Variants in MGAT4C observed in about 807,000 individuals in gnomAD.
MGAT4C encodes alpha-1,3-mannosyl-glycoprotein 4-beta-N-acetylglucosaminyltransferase C.
A neutral mutation model predicts 40.1 loss-of-function variants in MGAT4C; 19 were observed. The observed-to-expected ratio is 0.47, with a 90% CI of 0.33 to 0.70. MGAT4C has a LOEUF of 0.70. MGAT4C is among the 30% of genes least tolerant of loss of function. The pLI is 0.02. For synonymous variants in MGAT4C, 181 were observed against 187.1 expected (o/e 0.97, Z 0.27); for missense variants, 491 against 563.2 (o/e 0.87, Z 1.30).
intron 2 of MGAT4C, among the ~76,000 whole-genome samples, chr12:86,565,120 T>G (rs1728393999): frequency 6.6e-6 from 1 of 152,164 alleles, no homozygotes; most frequent in Non-Finnish European, 1.5e-5. Context: ...AAAGTCACCA[T>G]GTGACCTGAA....
At chr12:86,694,198 T>C (rs1430223743) in intron 2 of MGAT4C, among the ~76,000 whole-genome samples, 1 of 152,150 alleles carries the variant, frequency 6.6e-6, no homozygotes, top group Non-Finnish European at 1.5e-5. Flanking sequence ...CAGATCTTCT[T>C]TTCTCTGCCC....
chr12:86,431,337 A>C (rs1957035502), intron 3 of MGAT4C, among the ~76,000 whole-genome samples: 1 of 152,116 alleles, frequency 6.6e-6, no homozygotes, highest in African/African-American at 2.4e-5. Flanking sequence ...TTTTGCCTAG[A>C]GTTCCCTGTG....
chr12:86,132,705 T>G lies in MGAT4C; in HGVS notation c.-56-82982A>C, dbSNP rs1288985198. ...TACTCGGGAGGCTGAGGCAGGAGAA[T>G]GGCGTGAACCCTGGAGGCGGAGCTT... On this transcript the variant is annotated intron_variant, in intron 1 of 4. Transcript: ENST00000611864. Among the ~76,000 whole-genome samples, 2 of 138,976 alleles carry G rather than the reference T, an allele frequency of 1.4e-5. 1 individual carries two copies. Among genetic ancestry groups the G allele is most frequent in the Non-Finnish European group, 3.0e-5 (2 of 66,738 alleles). 91.2% of individuals were successfully genotyped at this position (138,976 alleles called of 152,430 possible). A position where few individuals can be genotyped will look rare whatever the true frequency, so the allele number is the denominator to read the frequency against.
chr12:86,789,617 TAA>T (rs1951990244), intron 1 of MGAT4C, among the ~76,000 whole-genome samples: 1 of 152,078 alleles, frequency 6.6e-6, no homozygotes, highest in Non-Finnish European at 1.5e-5. Flanking sequence ...GTGAACATGG[TAA>T]AGTCTTGGCT....
intron 2 of MGAT4C, among the ~76,000 whole-genome samples, chr12:86,677,317 A>G (rs1565919465): frequency 6.6e-6 from 1 of 152,080 alleles, no homozygotes; most frequent in Non-Finnish European, 1.5e-5. Flanking sequence ...TGGCTATTAG[A>G]CTGCAAATTC....
At chr12:86,728,580 G>T (rs1052210081) in intron 1 of MGAT4C, among the ~76,000 whole-genome samples, 2 of 152,062 alleles carry the variant, frequency 1.3e-5, no homozygotes, top group African/African-American at 4.8e-5. Flanking sequence ...AGTCCCAGCT[G>T]CTCGGGAAAC....
At chr12:86,609,282 T>C (rs1292464173) in intron 2 of MGAT4C, among the ~76,000 whole-genome samples, 3 of 152,068 alleles carry the variant, frequency 2.0e-5, no homozygotes, top group Non-Finnish European at 4.4e-5. Context: ...TTTGCAAAGT[T>C]AAACGTGAAG....
intron 2 of MGAT4C, among the ~76,000 whole-genome samples, chr12:86,585,102 A>C (rs1435416037): frequency 6.6e-6 from 1 of 151,372 alleles, no homozygotes; most frequent in African/African-American, 2.4e-5. Context: ...TAAAAACTAA[A>C]ATTTTAATTT....
chr12:86,799,927 T>A (rs1169902446), intron 1 of MGAT4C, among the ~76,000 whole-genome samples: 1 of 151,928 alleles, frequency 6.6e-6, no homozygotes, highest in African/African-American at 2.4e-5. Context: ...GTGTTATATA[T>A]AATTGTTTTA....
At chr12:86,449,889 T>C (rs781094640) in intron 2 of MGAT4C, among the ~76,000 whole-genome samples, 1 of 152,272 alleles carries the variant, frequency 6.6e-6, no homozygotes, top group South Asian at 2.1e-4. Flanking sequence ...GCTTTGACTG[T>C]TTAATGGGTG....
intron 4 of MGAT4C, among the ~76,000 whole-genome samples, chr12:86,283,431 ATTC>A (rs1051974252): frequency 6.6e-6 from 1 of 152,056 alleles, no homozygotes; most frequent in Non-Finnish European, 1.5e-5. Context: ...CTCTTTAGAA[ATTC>A]TTCTTCTCTC....
chr12:86,740,857 T>C (rs1951058286), intron 1 of MGAT4C, among the ~76,000 whole-genome samples: 1 of 151,264 alleles, frequency 6.6e-6, no homozygotes, highest in South Asian at 2.1e-4. Flanking sequence ...TAAAAAGTAA[T>C]TTCAACTTTT....
chr12:86,171,555 T>G (rs1886852189), intron 1 of MGAT4C, among the ~76,000 whole-genome samples: 1 of 152,144 alleles, frequency 6.6e-6, no homozygotes, highest in Non-Finnish European at 1.5e-5. Context: ...AGTTTATAAT[T>G]TCCATTTAAT....
intron 2 of MGAT4C, among the ~76,000 whole-genome samples, chr12:85,990,800 T>C (rs1339730515): frequency 6.6e-6 from 1 of 152,202 alleles, no homozygotes; most frequent in Non-Finnish European, 1.5e-5. Flanking sequence ...CTTATAAATT[T>C]GTAGAAATTG....
rs187126813 is a variant in MGAT4C, at chr12:86,507,868, T to G, written c.-228-72603A>C. The stretch of plus-strand genomic sequence containing the variant: ...ATGACTCAGCCTTATTTTTCTTTTT[T>G]AAGATTGTTTTGGCTACTTAGGGTT... On this transcript the variant is annotated intron_variant, in intron 2 of 7. Transcript: ENST00000548651. Among the ~76,000 whole-genome samples, 709 of 152,242 alleles carry G rather than the reference T, an allele frequency of 4.7e-3. 4 individuals are homozygous for G. Among genetic ancestry groups the G allele is most frequent in the Non-Finnish European group, 6.2e-3 (423 of 68,020 alleles).
chr12:86,650,559 C>T (rs1288402980), intron 2 of MGAT4C, among the ~76,000 whole-genome samples: 1 of 151,754 alleles, frequency 6.6e-6, no homozygotes, highest in Admixed American at 6.6e-5. Flanking sequence ...ATTGGGCAGC[C>T]CAGATTTAAA....
At chr12:86,761,636 CCTTTCGGATGCT>C (rs1472661766) in intron 1 of MGAT4C, among the ~76,000 whole-genome samples, 47 of 152,198 alleles carry the variant, frequency 3.1e-4, no homozygotes, top group African/African-American at 1.1e-3. Flanking sequence ...AAGGCTGGTT[CCTTTCGGATGCT>C]CTCATGGGAG....
chr12:86,261,269 T>C (rs537267359), upstream of MGAT4C, among the ~76,000 whole-genome samples: 1 of 152,222 alleles, frequency 6.6e-6, no homozygotes, highest in Admixed American at 6.5e-5. Context: ...CTTCTATTCA[T>C]TCAATAGACA....
At chr12:86,201,282 A>T (rs897299213) in intron 1 of MGAT4C, among the ~76,000 whole-genome samples, 1 of 152,038 alleles carries the variant, frequency 6.6e-6, no homozygotes, top group African/African-American at 2.4e-5. Flanking sequence ...GATCACAGCA[A>T]CTTTGTTGAA....
Sources: allele counts gnomAD v4.1 joint callset (sites outside exome capture counted in the v4.1 genomes callset), GRCh38; gene constraint gnomAD v4.1.1; transcripts MANE v1.5; gene names NCBI Gene and HGNC (gene_info 2026-07-23, HGNC 2026-07-21).